Variants in SLC2A11 observed in about 807,000 individuals in gnomAD.
SLC2A11 encodes the protein solute carrier family 2 member 11, also known as solute carrier family 2, facilitated glucose transporter member 11.
A neutral mutation model predicts 52.1 loss-of-function variants in SLC2A11; 43 were observed. The observed-to-expected ratio is 0.82, with a 90% confidence interval of 0.65 to 1.06. SLC2A11 has a LOEUF of 1.06. Among genes scored for constraint, SLC2A11 ranks in the 50% least tolerant of loss-of-function variants. The pLI is 0.00. For synonymous variants in SLC2A11, 261 were observed against 277.6 expected, an observed-to-expected ratio of 0.94 and a Z score of 0.59; for missense variants, 582 against 654.2, an observed-to-expected ratio of 0.89 and a Z score of 1.20.
At chr22:23,875,823 C>T (rs1002011021) in intron 4 of SLC2A11, among the ~76,000 whole-genome samples, 1 of 152,116 alleles carries the variant, frequency 6.6e-6, no homozygotes, top group Non-Finnish European at 1.5e-5. Flanking sequence ...TTAAAATAAT[C>T]AACATTTATA....
rs181437217 is a variant in SLC2A11, at chr22:23,884,487, G to T, written c.1299+58G>T. ...TTAGGCTGTGTCCCTGTCATCCTGAGAACCCCAGGGGGAGGCTTCCATCCA... is the reference window on the plus strand; with the variant it reads ...TTAGGCTGTGTCCCTGTCATCCTGATAACCCCAGGGGGAGGCTTCCATCCA... On this transcript the variant is annotated intron_variant, in intron 11 of 11. Coordinates refer to ENST00000316185, the MANE Select transcript of SLC2A11 (RefSeq NM_001024939.4). This position sits in a 1 kb window ranked among gnomAD's most constrained non-coding sequence, Gnocchi z 4.3. 333 of 1,583,428 alleles carry T rather than the reference G, an allele frequency of 2.1e-4. 1 individual carries two copies. The East Asian group carries it at 6.6e-3, about 32-fold the overall frequency.
In SLC2A11 at chr22:23,877,034, A is replaced by G; in HGVS notation, c.416-8A>G. 1 of 1,613,866 alleles carries G rather than the reference A, an allele frequency of 6.2e-7. No individual in the cohort carries two copies. The highest frequency in any genetic ancestry group is 8.5e-7 in the Non-Finnish European group (1 of 1,179,946). ...TGGCTGACGTGCCTCTGCTGTGCAC[A>G]CGTCCAGGTGTGAGCATGAACATCC... On this transcript the variant is annotated splice_polypyrimidine_tract_variant and splice_region_variant and intron_variant, in intron 4 of 11. Transcript: ENST00000316185.
Position 23,882,868 on chromosome 22 carries a change from G to C in SLC2A11, c.992G>C (p.Ser331Thr). ...GSCELLTAVV[S>T]CVVIERVGRR... ...TGCGAGCTGCTCACGGCGGTTGTTA[G>C]TGTGAGTCTGGAGGGTGCCCTTCCT... The change falls in exon 8 of 12, where the codon AGT (serine) becomes ACT (threonine). Residue 331 changes from serine to threonine, a missense_variant and splice_region_variant. Coordinates refer to ENST00000316185, the MANE Select transcript of SLC2A11 (RefSeq NM_001024939.4). 3 of 1,608,858 alleles carry C rather than the reference G, an allele frequency of 1.9e-6. No individual in the cohort carries two copies. The highest frequency in any genetic ancestry group is 2.5e-6 in the Non-Finnish European group (3 of 1,177,648).
In SLC2A11 at chr22:23,884,217, C is replaced by G; in HGVS notation, c.1172-85C>G. 2 of 1,526,110 alleles carry G rather than the reference C, an allele frequency of 1.3e-6. No individual in the cohort carries two copies. Among genetic ancestry groups the G allele is most frequent in the East Asian group, 4.8e-5 (2 of 42,098 alleles). 94.5% of individuals were successfully genotyped at this position (1,526,110 alleles called of 1,614,324 possible). A position where few individuals can be genotyped will look rare whatever the true frequency, so the allele number is the denominator to read the frequency against. On this transcript the variant is annotated intron_variant, in intron 10 of 11. Transcript: ENST00000316185. This position sits in a 1 kb window ranked among gnomAD's most constrained non-coding sequence, Gnocchi z 4.3. Reference sequence around the variant, plus strand: ...CCCCCATACAGACTGGGCCTGGGCTCCCACTCCCATGTCTGGGCTGGGGTC... The same window carrying G: ...CCCCCATACAGACTGGGCCTGGGCTGCCACTCCCATGTCTGGGCTGGGGTC...
At chr22:23,877,283 A>G (rs1258108111) in intron 5 of SLC2A11, 112 bp downstream of exon 5, 2 of 1,534,990 alleles carry the variant, frequency 1.3e-6, no homozygotes, top group African/African-American at 1.4e-5. Context: ...ATTGCTTTGC[A>G]TGAAGGCATC....
In SLC2A11 at chr22:23,884,190, G is replaced by A. The variant is rs924366351; in HGVS notation, c.1172-112G>A. The A allele has an allele frequency of 2.0e-6, 3 of 1,487,844 alleles. No individual in the cohort carries two copies. The highest frequency in any genetic ancestry group is 2.4e-5 in the East Asian group (1 of 40,982). The allele number at this position is 1,487,844 out of a possible 1,614,324, so 92.2% of individuals were successfully genotyped here. ...AATGGCAGGAGGAGAGCACTGAGGG[G>A]CCCCCCATACAGACTGGGCCTGGGC... On this transcript the variant is annotated intron_variant, in intron 10 of 11. Coordinates refer to ENST00000316185, the MANE Select transcript of SLC2A11 (RefSeq NM_001024939.4). This position sits in a 1 kb window ranked among gnomAD's most constrained non-coding sequence, Gnocchi z 4.3.
intron 1 of SLC2A11, among the ~76,000 whole-genome samples, chr22:23,861,897 G>T (rs1046200285): frequency 3.3e-5 from 5 of 152,206 alleles, no homozygotes; most frequent in Non-Finnish European, 4.4e-5. Context: ...TGGGGTCCTG[G>T]ACTCAGAACA....
At chr22:23,858,552 C>T (rs1017083901) in intron 1 of SLC2A11, among the ~76,000 whole-genome samples, 1 of 152,170 alleles carries the variant, frequency 6.6e-6, no homozygotes, top group Admixed American at 6.5e-5. Flanking sequence ...CCTCCTTTGT[C>T]TTGATTTGCA....
intron 2 of SLC2A11, among the ~76,000 whole-genome samples, chr22:23,863,607 G>GTTTTT (rs1568985269): frequency 0.016 from 1,762 of 112,828 alleles, 74 homozygotes; most frequent in Non-Finnish European, 0.023. Context: ...CTCTCTCTCT[G>GTTTTT]GTTTTTTTTT....
chr22:23,865,104 CA>C (rs78961986), intron 2 of SLC2A11: 43,081 of 94,294 alleles, frequency 0.46, 8,186 homozygotes, highest in Middle Eastern at 0.63. Context: ...GACTCCCTCT[CA>C]AAAAAAAAAA....
chr22:23,876,009 C>T (rs2032602402), intron 4 of SLC2A11, among the ~76,000 whole-genome samples: 1 of 152,032 alleles, frequency 6.6e-6, no homozygotes, highest in South Asian at 2.1e-4. Flanking sequence ...CAGGAGGTCT[C>T]AGCTGCCCAC....
chr22:23,882,305 G>A, intron 6 of SLC2A11, 154 bp from the exon 7 acceptor site: 1 of 666,118 alleles, frequency 1.5e-6, no homozygotes, highest in South Asian at 1.9e-5. Context: ...GAGAGACAGA[G>A]GCAGAGAGAG....
intron 1 of SLC2A11, among the ~76,000 whole-genome samples, chr22:23,858,595 C>T (rs191280388): frequency 8.1e-4 from 124 of 152,296 alleles, no homozygotes; most frequent in Middle Eastern, 3.4e-3. Context: ...TTTAAAATAG[C>T]ACCAACTAAG....
chr22:23,857,445 T>C, upstream of SLC2A11: 1 of 1,612,750 alleles, frequency 6.2e-7, no homozygotes, highest in Non-Finnish European at 8.5e-7. Context: ...CTTAGCCGAG[T>C]AAGGAGTGAG....
rs184626761 is a variant in SLC2A11 at position 23,864,425 on chromosome 22, G to A, written c.129+2223G>A. On this transcript the variant is annotated intron_variant, in intron 2 of 11. Coordinates refer to ENST00000316185, the MANE Select transcript of SLC2A11 (RefSeq NM_001024939.4). ...CAACCTCCACCTCCTGGGTTCAAGC[G>A]ATTCTGCCTCAGCCTCCCGAGTAGC... Among the ~76,000 whole-genome samples, 911 of 152,226 alleles carry A rather than the reference G, an allele frequency of 6.0e-3. 5 individuals carry two copies. The highest frequency in any genetic ancestry group is 8.7e-3 in the Non-Finnish European group (592 of 68,002).
intron 1 of SLC2A11, among the ~76,000 whole-genome samples, chr22:23,859,064 C>T (rs1212624562): frequency 6.6e-6 from 1 of 152,214 alleles, no homozygotes; most frequent in Non-Finnish European, 1.5e-5. Context: ...CAACGATTTC[C>T]TGTAGTCTTA....
At position 23,884,789 on chromosome 22, in the gene SLC2A11, C is replaced by T. The variant is rs1451824320; in HGVS notation, c.1440C>T (p.Pro480=). 1 of 1,614,080 alleles carries T rather than the reference C, an allele frequency of 6.2e-7. No individual in the cohort carries two copies. Among genetic ancestry groups the T allele is most frequent in the African/African-American group, 1.3e-5 (1 of 74,924 alleles). ...ISKELHRLNF[P]RRAQGPTWRS... Reference sequence around the variant, plus strand: ...AGGAATTACACAGACTCAACTTCCCCAGGCGGGCCCAGGGCCCCACGTGGA... The same window carrying T: ...AGGAATTACACAGACTCAACTTCCCTAGGCGGGCCCAGGGCCCCACGTGGA... Residue 480 remains proline (P), a synonymous_variant, in exon 12 of 12, where the codon CCC becomes CCT. Transcript: ENST00000316185. This position sits in a 1 kb window ranked among gnomAD's most constrained non-coding sequence, Gnocchi z 4.3.
At chr22:23,883,430 C>T (rs537028112) in intron 8 of SLC2A11, 1 of 372,786 alleles carries the variant, frequency 2.7e-6, no homozygotes, top group East Asian at 5.6e-5. Context: ...GAGATTGTGC[C>T]ACTGCACTCC....
intron 2 of SLC2A11, chr22:23,862,444 G>GA: frequency 2.0e-6 from 1 of 498,568 alleles, no homozygotes; most frequent in East Asian, 3.2e-5. Flanking sequence ...GTGATGGGGG[G>GA]TCAGCCTTGA....
Sources: gnomAD v4.1 joint callset for allele counts (sites outside exome capture counted in the v4.1 genomes callset) on GRCh38, gnomAD v4.1.1 for gene constraint, Gnocchi (gnomAD v3.1) non-coding constraint, MANE v1.5 for transcripts, NCBI Gene and HGNC (gene_info 2026-07-23, HGNC 2026-07-21) for gene names.